The following GNAS variants were observed in gnomAD, a reference collection of about 807,000 sequenced individuals.
GNAS encodes the protein GNAS complex locus.
Under a neutral mutation model 54.5 loss-of-function variants are expected in GNAS, and 8 were observed. The observed-to-expected ratio is 0.15, with a 90% CI of 0.09 to 0.26. GNAS has a LOEUF of 0.26. Ranked by LOEUF, GNAS falls within the 10% of genes least tolerant of loss-of-function variation. The pLI is 1.00. For missense variants in GNAS, 170 were observed against 529.8 expected (o/e 0.32, Z 6.67); for synonymous variants, 204 against 191.4 (o/e 1.07, Z -0.54).
At chr20:58,852,858 A>G in intron 1 of GNAS, 1 of 296,410 alleles carries the variant, frequency 3.4e-6, no homozygotes, top group Admixed American at 5.5e-5. Context: ...CGGCACTGGA[A>G]CCGGCGTCCT....
intron 1 of GNAS, among the ~76,000 whole-genome samples, chr20:58,882,443 T>C (rs908884122): frequency 6.6e-6 from 1 of 152,238 alleles, no homozygotes; most frequent in Non-Finnish European, 1.5e-5. Context: ...CTTCCGTGCT[T>C]GTGGCAAAAG....
At chr20:58,864,073 T>C (rs1012307224) in intron 1 of GNAS, 1 of 152,110 alleles carries the variant, frequency 6.6e-6, no homozygotes, top group Non-Finnish European at 1.5e-5. Context: ...CCCACATATC[T>C]GTGCCTCCAT....
intron 1 of GNAS, among the ~76,000 whole-genome samples, chr20:58,879,695 G>A (rs564254034): frequency 2.8e-4 from 42 of 152,184 alleles, no homozygotes; most frequent in African/African-American, 9.9e-4. Flanking sequence ...ATCTGAAATC[G>A]GCTGCAGAGG....
intron 1 of GNAS, chr20:58,854,892 C>A: frequency 6.3e-7 from 1 of 1,593,872 alleles, no homozygotes; most frequent in Non-Finnish European, 8.5e-7. Context: ...TCCGCCTACT[C>A]CGCGGCCTAC....
At chr20:58,846,879 G>C (rs2085959942) in intron 1 of GNAS, among the ~76,000 whole-genome samples, 4 of 152,174 alleles carry the variant, frequency 2.6e-5, no homozygotes, top group African/African-American at 9.7e-5. Context: ...ATTTTAAGCA[G>C]AGCTTCCACT....
Position 58,911,025 on chromosome 20 carries a change from C to T in GNAS, c.*196C>T. ...CCAAATTTAGAAAGCTTAAGGCGGCCTACAGAAAAAGGAAAAAAGGCCACA... is the reference window on the plus strand; with the variant it reads ...CCAAATTTAGAAAGCTTAAGGCGGCTTACAGAAAAAGGAAAAAAGGCCACA... On this transcript the variant is annotated 3_prime_UTR_variant, in exon 13 of 13. Transcript: ENST00000371085. 1 of 697,934 alleles carries T rather than the reference C, an allele frequency of 1.4e-6. No individual in the cohort carries two copies. The highest frequency in any genetic ancestry group is 2.6e-6 in the Non-Finnish European group (1 of 387,526). The allele number at this position is 697,934 out of a possible 1,614,324, so 43.2% of individuals were successfully genotyped here.
chr20:58,865,497 C>A (rs866042105), intron 1 of GNAS, among the ~76,000 whole-genome samples: 2 of 146,556 alleles, frequency 1.4e-5, no homozygotes, highest in African/African-American at 5.0e-5. Context: ...TATGATATAT[C>A]ATATAATATA....
Position 58,898,644 on chromosome 20 carries a change from G to C in GNAS, c.213-297G>C, listed in dbSNP as rs891375969. The C allele has an allele frequency of 1.7e-5, 9 of 541,654 alleles. No homozygotes were observed. In the African/African-American group the frequency reaches 1.7e-4, roughly 10 times the overall value. 33.6% of individuals were successfully genotyped at this position (541,654 alleles called of 1,614,324 possible). A position where few individuals can be genotyped will look rare whatever the true frequency, so the allele number is the denominator to read the frequency against. ...TAGCTCCCTAATGCGTGTACGTTTA[G>C]TGAAAGCACAAGAAAACAATTATCC... On this transcript the variant is annotated intron_variant, in intron 2 of 12. Transcript: ENST00000371085.
chr20:58,880,075 G>C (rs1340964552), intron 1 of GNAS, among the ~76,000 whole-genome samples: 2 of 152,114 alleles, frequency 1.3e-5, no homozygotes, highest in Non-Finnish European at 2.9e-5. Flanking sequence ...TGCATAGCCA[G>C]TTTAGACTCT....
intron 3 of GNAS, among the ~76,000 whole-genome samples, chr20:58,901,685 C>T (rs2090616080): frequency 6.6e-6 from 1 of 151,702 alleles, no homozygotes; most frequent in African/African-American, 2.4e-5. Context: ...AGGAAGGGGG[C>T]GAGATGGGAT....
chr20:58,840,656 G>A (rs2085681870), upstream of GNAS: 3 of 1,604,996 alleles, frequency 1.9e-6, no homozygotes, highest in African/African-American at 1.3e-5. This position sits in a 1 kb window ranked among gnomAD's most constrained non-coding sequence, Gnocchi z 6.0. Context: ...CAGCACTCAG[G>A]AGCCCCAGAG....
intron 5 of GNAS, among the ~76,000 whole-genome samples, chr20:58,904,211 T>C (rs574863890): frequency 6.6e-6 from 1 of 152,320 alleles, no homozygotes; most frequent in South Asian, 2.1e-4. Flanking sequence ...ATACTAATTG[T>C]CCATTTACTC....
upstream of GNAS, chr20:58,840,090 G>T: frequency 6.2e-7 from 1 of 1,609,468 alleles, no homozygotes. This position sits in a 1 kb window ranked among gnomAD's most constrained non-coding sequence, Gnocchi z 6.0. Context: ...CCGGCTTCTC[G>T]GTGTGTGCCT....
At chr20:58,898,254 GTTT>G (rs1005107337) in intron 2 of GNAS, 1 of 149,052 alleles carries the variant, frequency 6.7e-6, no homozygotes, top group South Asian at 2.1e-4. Context: ...TGGGTTTTTG[GTTT>G]TTTTTTTCTT....
Position 58,853,817 on chromosome 20 carries a change from T to C in GNAS, c.43+12931T>C, listed in dbSNP as rs1305909489. On this transcript the variant is annotated intron_variant, in intron 1 of 12. Coordinates refer to the GNAS transcript ENST00000306090. This position sits in a 1 kb window ranked among gnomAD's most constrained non-coding sequence, Gnocchi z 4.4. ...AACTTCTCTTACAGGTCCCAGACCT[T>C]GCTCCAGGAGGCCCAGGTGCTGCAG... The C allele has an allele frequency of 1.0e-5, 16 of 1,604,114 alleles. No individual in the cohort carries two copies. Among genetic ancestry groups the C allele is most frequent in the Non-Finnish European group, 1.4e-5 (16 of 1,175,766 alleles).
intron 1 of GNAS, among the ~76,000 whole-genome samples, chr20:58,866,526 A>C (rs2145670699): frequency 6.6e-6 from 1 of 152,336 alleles, no homozygotes; most frequent in South Asian, 2.1e-4. Flanking sequence ...AATTTTAAAC[A>C]GTGGTCTAAG....
chr20:58,897,059 G>C (rs2146037118), intron 2 of GNAS, among the ~76,000 whole-genome samples: 1 of 152,332 alleles, frequency 6.6e-6, no homozygotes, highest in South Asian at 2.1e-4. Flanking sequence ...GAATAGTCCT[G>C]TTAGTTGAGG....
At chr20:58,865,396 C>G (rs1164707878) in intron 1 of GNAS, among the ~76,000 whole-genome samples, 1 of 149,260 alleles carries the variant, frequency 6.7e-6, no homozygotes, top group Non-Finnish European at 1.5e-5. Flanking sequence ...CCAGCCTGGG[C>G]AACAAGAGCA....
chr20:58,855,935 C>G (rs996286952), intron 1 of GNAS: 4 of 379,518 alleles, frequency 1.1e-5, no homozygotes, highest in African/African-American at 4.1e-5. Context: ...CGCCATGGCC[C>G]GGGCAAAAAA....
Sources: allele counts gnomAD v4.1 joint callset (sites outside exome capture counted in the v4.1 genomes callset), GRCh38; gene constraint gnomAD v4.1.1; non-coding constraint Gnocchi (gnomAD v3.1); transcripts MANE v1.5; gene names NCBI Gene and HGNC (gene_info 2026-07-23, HGNC 2026-07-21).